Variants in COL21A1 observed in about 807,000 individuals in gnomAD.
The protein encoded by COL21A1 is collagen type XXI alpha 1 chain.
In COL21A1, 149 loss-of-function variants were observed where a neutral mutation model predicts 137.9. The ratio of observed to expected loss-of-function variants is 1.08; its 90% CI spans 0.95 to 1.24. COL21A1 has a LOEUF of 1.24. COL21A1 is among the 50% of genes most tolerant of loss of function. COL21A1 has a pLI of 0.00. For missense variants in COL21A1, 1,167 were observed against 1,158.4 expected (o/e 1.01, Z -0.11); for synonymous variants, 456 against 391.5 (o/e 1.16, Z -1.95).
upstream of COL21A1, among the ~76,000 whole-genome samples, chr6:56,250,802 T>C (rs1303031495): frequency 2.0e-5 from 3 of 152,224 alleles, no homozygotes; most frequent in Non-Finnish European, 4.4e-5. Context: ...CTAAATTTCT[T>C]GAGCTATTCA....
intron 1 of COL21A1, among the ~76,000 whole-genome samples, chr6:56,195,540 C>T (rs941840635): frequency 6.6e-6 from 1 of 151,754 alleles, no homozygotes; most frequent in African/African-American, 2.4e-5. Context: ...TGAATAAATA[C>T]AATTATAATT....
In COL21A1 at chr6:56,124,245, T is replaced by C; in HGVS notation, c.1698A>G (p.Gly566=). 2 of 1,601,658 alleles carry C rather than the reference T, an allele frequency of 1.2e-6. No homozygotes were observed. The highest frequency in any genetic ancestry group is 1.7e-6 in the Non-Finnish European group (2 of 1,173,628). Residue 566 remains glycine, a synonymous_variant, in exon 15 of 30, where the codon GGA becomes GGG. Transcript: ENST00000244728. ...KGNAGFPGLP[G]PAGEPGRHGK... ...TTTTTTCTATCAAACTCACAGCAGG[T>C]CCAGGGAGGCCAGGGAAGCCAGCAT...
chr6:56,073,626 A>C (rs1165361161), intron 20 of COL21A1, among the ~76,000 whole-genome samples: 2 of 151,480 alleles, frequency 1.3e-5, no homozygotes, highest in Non-Finnish European at 3.0e-5. Context: ...AACCAAGAAA[A>C]CAAAATAGTT....
chr6:56,179,905 C>A lies in COL21A1; in HGVS notation c.313G>T (p.Glu105Ter). 6.2e-7 allele frequency: 1 copy of A among 1,613,886 alleles called. No individual in the cohort carries two copies. The highest frequency in any genetic ancestry group is 8.5e-7 in the Non-Finnish European group (1 of 1,179,846). ...DSGEHLTAAV[E>*]SILYLGGNTK... is the part of the protein sequence containing the mutation. ...TTTCCTCCTAAGTAGAGTATGGATT[C>A]CACTGCTGCCGTCAAATGTTCTCCT... Residue 105 changes from glutamate to a stop codon, truncating the protein, a stop_gained, in exon 3 of 30, where the codon GAA becomes TAA. Transcript: ENST00000244728. LOFTEE classifies it high-confidence loss of function.
chr6:56,169,039 G>A (rs981939828), intron 5 of COL21A1, among the ~76,000 whole-genome samples: 3 of 151,848 alleles, frequency 2.0e-5, no homozygotes, highest in Non-Finnish European at 4.4e-5. Flanking sequence ...ATTTCCCTAC[G>A]TAATAGCATC....
intron 12 of COL21A1, among the ~76,000 whole-genome samples, chr6:56,129,699 TGAGAGAGAGA>T (rs3065909): frequency 8.3e-6 from 1 of 120,440 alleles, no homozygotes; most frequent in Non-Finnish European, 1.8e-5. Flanking sequence ...TGTGTGTGTG[TGAGAGAGAGA>T]GAGAGAGAGA....
chr6:56,316,875 G>T (rs1764751967), intron 1 of COL21A1, among the ~76,000 whole-genome samples: 1 of 152,084 alleles, frequency 6.6e-6, no homozygotes, highest in Non-Finnish European at 1.5e-5. Context: ...CTGAACAGCA[G>T]GCTGGGTTAG....
chr6:56,240,871 C>A (rs1422118017), intron 1 of COL21A1, among the ~76,000 whole-genome samples: 1 of 152,136 alleles, frequency 6.6e-6, no homozygotes, highest in African/African-American at 2.4e-5. Flanking sequence ...AGAAATGACA[C>A]ATAATTTAGA....
At chr6:56,061,083 GA>G in intron 25 of COL21A1, 46 bp from the exon 26 acceptor site, 1 of 1,517,682 alleles carries the variant, frequency 6.6e-7, no homozygotes, top group Non-Finnish European at 8.9e-7. Context: ...AATATTTCAG[GA>G]GGTATAATTG....
chr6:56,369,140 C>A (rs1401636103), intron 1 of COL21A1, among the ~76,000 whole-genome samples: 1 of 151,558 alleles, frequency 6.6e-6, no homozygotes, highest in Non-Finnish European at 1.5e-5. Flanking sequence ...AGCCAAAAGA[C>A]AAAATTCAAT....
At chr6:56,148,162 T>C (rs1774989030) in intron 10 of COL21A1, among the ~76,000 whole-genome samples, 1 of 152,112 alleles carries the variant, frequency 6.6e-6, no homozygotes, top group Admixed American at 6.6e-5. Flanking sequence ...TATATCAGCC[T>C]CTTAGGCAGC....
intron 1 of COL21A1, among the ~76,000 whole-genome samples, chr6:56,350,724 G>A (rs1185510911): frequency 6.6e-6 from 1 of 152,116 alleles, no homozygotes; most frequent in Non-Finnish European, 1.5e-5. Flanking sequence ...ATTGTATTCT[G>A]AGACTCCCCA....
intron 9 of COL21A1, among the ~76,000 whole-genome samples, chr6:56,158,545 T>C (rs1775962143): frequency 6.6e-6 from 1 of 152,098 alleles, no homozygotes; most frequent in Non-Finnish European, 1.5e-5. Context: ...GTGGTGGTAT[T>C]ACAGTTGTGA....
At chr6:56,393,763 T>C (rs745500808) in intron 1 of COL21A1, among the ~76,000 whole-genome samples, 15 of 152,200 alleles carry the variant, frequency 9.9e-5, no homozygotes, top group South Asian at 2.1e-4. Context: ...CAGAGTGTGC[T>C]AGTCCCCAGA....
chr6:56,195,771 A>G (rs1305470266), intron 1 of COL21A1, among the ~76,000 whole-genome samples: 2 of 152,198 alleles, frequency 1.3e-5, no homozygotes, highest in Admixed American at 6.6e-5. Context: ...CCAGGAGCAG[A>G]CAGCTTCATG....
chr6:56,075,673 GAAGGAGC>G (rs1767169203), intron 18 of COL21A1, 141 bp from the exon 19 acceptor site: 2 of 593,808 alleles, frequency 3.4e-6, no homozygotes, highest in Non-Finnish European at 5.8e-6. Context: ...CTACAGTAAG[GAAGGAGC>G]AAGGCCTTAA....
chr6:56,373,179 C>T (rs560560468), intron 1 of COL21A1, among the ~76,000 whole-genome samples: 1 of 152,166 alleles, frequency 6.6e-6, no homozygotes, highest in Non-Finnish European at 1.5e-5. Flanking sequence ...GTGTCCTCAC[C>T]GGACCAGGCC....
At chr6:56,378,947 A>G (rs912135795) in intron 1 of COL21A1, among the ~76,000 whole-genome samples, 1 of 152,220 alleles carries the variant, frequency 6.6e-6, no homozygotes, top group Non-Finnish European at 1.5e-5. Context: ...TAATCCAGAG[A>G]ATTCTCTTGG....
intron 1 of COL21A1, among the ~76,000 whole-genome samples, chr6:56,224,527 C>T (rs1781070403): frequency 6.6e-6 from 1 of 151,942 alleles, no homozygotes; most frequent in African/African-American, 2.4e-5. Context: ...ACCCATATAC[C>T]TTATGTCAAT....
Sources: allele counts gnomAD v4.1 joint callset (sites outside exome capture counted in the v4.1 genomes callset), GRCh38; gene constraint gnomAD v4.1.1; transcripts MANE v1.5; gene names NCBI Gene and HGNC (gene_info 2026-07-23, HGNC 2026-07-21).